The following NELL2 variants were observed in gnomAD, a reference collection of about 807,000 sequenced individuals.
NELL2 encodes the protein neural EGFL like 2, also known as protein kinase C-binding protein NELL2.
NELL2 carries 41 observed loss-of-function variants against 109.6 expected under a neutral mutation model. That is an observed-to-expected ratio of 0.37 (90% CI 0.29 to 0.49). The LOEUF is 0.49. Among genes scored for constraint, NELL2 ranks in the 20% least tolerant of loss-of-function variants. The probability of loss-of-function intolerance (pLI) is 0.98; values close to 1 mark genes in which losing one functional copy is unlikely to be tolerated. For synonymous variants in NELL2, 355 were observed against 344.7 expected (o/e 1.03, Z -0.33); for missense variants, 900 against 1,008.3 (o/e 0.89, Z 1.45).
At chr12:44,814,548 G>T (rs1357119923) in intron 3 of NELL2, among the ~76,000 whole-genome samples, 1 of 152,056 alleles carries the variant, frequency 6.6e-6, no homozygotes, top group African/African-American at 2.4e-5. Flanking sequence ...ATAGCCCAGT[G>T]AACCCTTGAA....
intron 2 of NELL2, 35 bp from the exon 3 acceptor site, chr12:44,816,171 G>A (rs1943342449): frequency 6.6e-7 from 1 of 1,518,360 alleles, no homozygotes; most frequent in Admixed American, 2.3e-5. Context: ...AAGAATAGTA[G>A]AATTTGATTT....
chr12:44,764,012 C>T (rs572836204), intron 9 of NELL2, among the ~76,000 whole-genome samples: 2 of 152,238 alleles, frequency 1.3e-5, no homozygotes, highest in African/African-American at 4.8e-5. Context: ...ATGGGACTAC[C>T]CCAAGCTACT....
At chr12:44,535,890 C>G (rs548197202) in intron 15 of NELL2, among the ~76,000 whole-genome samples, 7 of 151,806 alleles carry the variant, frequency 4.6e-5, no homozygotes, top group Non-Finnish European at 8.8e-5. Context: ...TTGTGAAATG[C>G]AATGCCTTAA....
At chr12:44,651,208 T>C (rs552333788) in intron 13 of NELL2, among the ~76,000 whole-genome samples, 1 of 152,366 alleles carries the variant, frequency 6.6e-6, no homozygotes, top group Admixed American at 6.5e-5. Flanking sequence ...CTGTCTTCCA[T>C]GAAACCAGTC....
At chr12:44,790,501 G>A (rs180775433) in intron 3 of NELL2, among the ~76,000 whole-genome samples, 164 of 151,806 alleles carry the variant, frequency 1.1e-3, no homozygotes, top group African/African-American at 3.9e-3. Context: ...ACAAATACTG[G>A]AAACACATCA....
At chr12:44,554,409 A>G (rs971714150) in intron 15 of NELL2, among the ~76,000 whole-genome samples, 2 of 152,214 alleles carry the variant, frequency 1.3e-5, no homozygotes, top group Non-Finnish European at 2.9e-5. Flanking sequence ...GCAAAGTAAC[A>G]TACAATGACA....
rs538020204 is a variant in NELL2, at chr12:44,767,390, C to A, written c.994+7357G>T. ...AGAGACGTGCTGTTTTCAGGCTTCC[C>A]TCAGCACTTCCACCTGGTGCTCCCT... On this transcript the variant is annotated intron_variant, in intron 9 of 19. Transcript: ENST00000429094. Among the ~76,000 whole-genome samples, 18 of 152,244 alleles carry A rather than the reference C, an allele frequency of 1.2e-4. No individual in the cohort carries two copies. The East Asian group carries it at 3.5e-3, about 29-fold the overall frequency.
upstream of NELL2, among the ~76,000 whole-genome samples, chr12:44,879,104 C>G (rs1945382974): frequency 6.6e-6 from 1 of 152,080 alleles, no homozygotes; most frequent in Non-Finnish European, 1.5e-5. Context: ...AACTCGACTT[C>G]CTGTTGCTGA....
chr12:44,514,468 G>C (rs1941157990), intron 19 of NELL2, among the ~76,000 whole-genome samples: 1 of 151,184 alleles, frequency 6.6e-6, no homozygotes, highest in South Asian at 2.1e-4. Context: ...GAGAGATAGA[G>C]AGAGAGACAG....
chr12:44,587,309 T>TATATATA (rs1565974434), intron 15 of NELL2, among the ~76,000 whole-genome samples: 29 of 69,548 alleles, frequency 4.2e-4, no homozygotes, highest in South Asian at 8.3e-4. Context: ...ATATATATAT[T>TATATATA]TTTTTTTAAA....
chr12:44,777,893 T>C, intron 5 of NELL2, among the ~76,000 whole-genome samples: 1 of 152,330 alleles, frequency 6.6e-6, no homozygotes, highest in South Asian at 2.1e-4. Context: ...GAAAATTTTT[T>C]AAATGTCAGC....
chr12:44,891,489 G>T (rs1334267661), intron 1 of NELL2, among the ~76,000 whole-genome samples: 1 of 152,170 alleles, frequency 6.6e-6, no homozygotes, highest in Non-Finnish European at 1.5e-5. Context: ...ACCCAATGGG[G>T]CCATGTTCCT....
upstream of NELL2, among the ~76,000 whole-genome samples, chr12:44,915,915 T>C (rs764951441): frequency 7.2e-5 from 11 of 152,224 alleles, no homozygotes; most frequent in Admixed American, 3.9e-4. Flanking sequence ...CTGCAATTTG[T>C]TTCAACATGA....
intron 15 of NELL2, among the ~76,000 whole-genome samples, chr12:44,573,888 G>A (rs1016260464): frequency 6.6e-6 from 1 of 152,136 alleles, no homozygotes; most frequent in Admixed American, 6.5e-5. Flanking sequence ...CTAGGAGATT[G>A]CTCAACATGG....
upstream of NELL2, among the ~76,000 whole-genome samples, chr12:44,878,062 C>T (rs1945368388): frequency 6.6e-6 from 1 of 152,142 alleles, no homozygotes; most frequent in Non-Finnish European, 1.5e-5. Flanking sequence ...AAGAATAAAA[C>T]ATAAATATAC....
At chr12:44,591,538 G>A (rs1287236123) in intron 15 of NELL2, among the ~76,000 whole-genome samples, 1 of 152,138 alleles carries the variant, frequency 6.6e-6, no homozygotes, top group East Asian at 1.9e-4. Context: ...AATACCACAT[G>A]CTGTCACCCA....
At chr12:44,803,627 A>G (rs895680123) in intron 3 of NELL2, among the ~76,000 whole-genome samples, 1 of 152,072 alleles carries the variant, frequency 6.6e-6, no homozygotes, top group Admixed American at 6.6e-5. Flanking sequence ...AAAAGCAAAC[A>G]TTAAATTAGG....
chr12:44,585,602 TATTG>T (rs1207075714), intron 15 of NELL2, among the ~76,000 whole-genome samples: 2 of 152,106 alleles, frequency 1.3e-5, no homozygotes, highest in Non-Finnish European at 2.9e-5. Flanking sequence ...GAACTAAATG[TATTG>T]ATTGAAAGAC....
chr12:44,918,692 C>T (rs777131480), upstream of NELL2, among the ~76,000 whole-genome samples: 1 of 152,156 alleles, frequency 6.6e-6, no homozygotes, highest in Non-Finnish European at 1.5e-5. Flanking sequence ...ACTCATTCTT[C>T]CACCCTTGCT....
Sources: gnomAD v4.1 joint callset for allele counts (sites outside exome capture counted in the v4.1 genomes callset) on GRCh38, gnomAD v4.1.1 for gene constraint, MANE v1.5 for transcripts, NCBI Gene and HGNC (gene_info 2026-07-23, HGNC 2026-07-21) for gene names.